CEP152: variants seen among roughly 807,000 people sequenced by gnomAD.
CEP152 encodes centrosomal protein 152, also known as centrosomal protein of 152 kDa.
Under a neutral mutation model 188.9 loss-of-function variants are expected in CEP152, and 132 were observed. That is an observed-to-expected ratio of 0.70 (90% CI 0.61 to 0.81). The LOEUF (loss-of-function observed/expected upper bound fraction) is 0.81, where lower values mean the gene tolerates loss of function less well. CEP152 is among the 30% of genes least tolerant of loss of function. The pLI is 0.00. For missense variants in CEP152, 1,914 were observed against 1,969.8 expected, an observed-to-expected ratio of 0.97 and a Z score of 0.54; for synonymous variants, 649 against 666.6, an observed-to-expected ratio of 0.97 and a Z score of 0.41.
At chr15:48,798,244 G>A (rs1032538066) in intron 2 of CEP152, among the ~76,000 whole-genome samples, 193 bp from the exon 3 acceptor site, 70 of 149,488 alleles carry the variant, frequency 4.7e-4, no homozygotes, top group Non-Finnish European at 8.9e-5. Context: ...CATAATTTTA[G>A]GATTTATATC....
chr15:48,761,547 G>A (rs1894690759), intron 18 of CEP152, among the ~76,000 whole-genome samples: 1 of 152,142 alleles, frequency 6.6e-6, no homozygotes. Context: ...GTTCTCTCAT[G>A]CATAAACAGC....
chr15:48,754,076 TG>T (rs1165226453), intron 20 of CEP152, among the ~76,000 whole-genome samples: 2 of 152,220 alleles, frequency 1.3e-5, no homozygotes, highest in Non-Finnish European at 2.9e-5. Flanking sequence ...CTCAAGGTCC[TG>T]AGTGAAGATA....
At chr15:48,788,357 G>C (rs561814389) in intron 9 of CEP152, among the ~76,000 whole-genome samples, 1 of 133,454 alleles carries the variant, frequency 7.5e-6, no homozygotes, top group African/African-American at 2.9e-5. Context: ...TTGGGGAGAC[G>C]GAGTCTCGCT....
Position 48,784,073 on chromosome 15 carries a change from C to A in CEP152, c.1221G>T (p.Arg407Ser), listed in dbSNP as rs751035264. ...RLKDHVKQLERNQEAIKLEKT... is the reference protein window; with the variant it reads ...RLKDHVKQLESNQEAIKLEKT... The stretch of plus-strand genomic sequence containing the variant: ...TTTCTAACTTGATTGCTTCTTGATT[C>A]CTTTCCAGTTGTTTCACGTGATCTT... The change falls in exon 10 of 27, where the codon AGG (arginine) becomes AGT (serine). Residue 407 changes from arginine (R) to serine (S), a missense_variant. Physicochemically the swap from Arg to Ser is moderately radical, Grantham distance 110 (BLOSUM62 -1). Transcript: ENST00000380950. 1.2e-6 allele frequency: 2 copies of A among 1,613,666 alleles called. No individual in the cohort carries two copies. The highest frequency in any genetic ancestry group is 1.7e-6 in the Non-Finnish European group (2 of 1,179,816).
chr15:48,764,788 G>C lies in CEP152; in HGVS notation c.2281-2116C>G, dbSNP rs142898930. Among the ~76,000 whole-genome samples, 72 of 152,200 alleles carry C rather than the reference G, an allele frequency of 4.7e-4. 1 individual carries two copies. Among genetic ancestry groups the C allele is most frequent in the African/African-American group, 1.7e-3 (71 of 41,518 alleles). ...GCAACCTGACTCAGCAAGTGTTTCA[G>C]AAAACAATGCATGAAACATAAAAAA... On this transcript the variant is annotated intron_variant, in intron 17 of 26. Coordinates refer to ENST00000380950, the MANE Select transcript of CEP152 (RefSeq NM_001194998.2).
At chr15:48,800,479 T>C (rs1476498806) in intron 2 of CEP152, among the ~76,000 whole-genome samples, 1 of 152,106 alleles carries the variant, frequency 6.6e-6, no homozygotes, top group East Asian at 1.9e-4. Context: ...TGCCCTTTGG[T>C]CACTAACCTT....
At chr15:48,802,330 T>C (rs1897718135) in intron 2 of CEP152, among the ~76,000 whole-genome samples, 1 of 152,134 alleles carries the variant, frequency 6.6e-6, no homozygotes, top group South Asian at 2.1e-4. Context: ...AATCAGAAAA[T>C]AATGCCCTCC....
chr15:48,783,676 C>T (rs546213912), intron 10 of CEP152, among the ~76,000 whole-genome samples: 80 of 151,016 alleles, frequency 5.3e-4, no homozygotes, highest in South Asian at 2.3e-3. Context: ...AGTAGAATTA[C>T]GGTTATTTTT....
At chr15:48,759,966 A>G (rs1458342471) in intron 19 of CEP152, among the ~76,000 whole-genome samples, 169 bp downstream of exon 19, 1 of 152,232 alleles carries the variant, frequency 6.6e-6, no homozygotes, top group Non-Finnish European at 1.5e-5. Flanking sequence ...CTCTAAGAAC[A>G]ACTTGATGAT....
chr15:48,742,708 G>C (rs1893077366), intron 24 of CEP152, among the ~76,000 whole-genome samples: 2 of 151,642 alleles, frequency 1.3e-5, no homozygotes, highest in East Asian at 1.9e-4. Context: ...CTTATAGTTG[G>C]CCTCTGAAAT....
At chr15:48,739,844 G>C (rs969229025) in intron 26 of CEP152, among the ~76,000 whole-genome samples, 1 of 152,178 alleles carries the variant, frequency 6.6e-6, no homozygotes, top group African/African-American at 2.4e-5. Context: ...AAAAGGATTT[G>C]CTTCTCTACT....
rs946314518 is a variant in CEP152 at position 48,788,864 on chromosome 15, G to A, written c.1110C>T (p.Tyr370=). The change falls in exon 9 of 27, where the codon TAC becomes TAT. Residue 370 remains tyrosine (Y), a synonymous_variant. Transcript: ENST00000380950. ...ESIVMGLTKK[Y]EEQVLSLQKN... ...TTTGTAAGGACAATACTTGCTCTTC[G>A]TACTTCTTTGTGAGGCCCATAACAA... 6.8e-6 allele frequency: 11 copies of A among 1,613,978 alleles called. No homozygotes were observed. The highest frequency in any genetic ancestry group is 4.0e-5 in the African/African-American group (3 of 74,888).
At position 48,781,209 on chromosome 15, in the gene CEP152, AT is replaced by A; in HGVS notation, c.1563del (p.Lys521AsnfsTer24). On this transcript the variant is annotated frameshift_variant, in exon 12 of 27. Transcript: ENST00000380950. LOFTEE classifies it high-confidence loss of function. ...DLGIKKVNWK[K>X]SKVTSIVQEE... ...TTCTTTCCATACCTGGTAACTTTGGATTTTTTCCAGTTGACCTTTTTAATAC... is the reference window on the plus strand; with the variant it reads ...TTCTTTCCATACCTGGTAACTTTGGATTTTTCCAGTTGACCTTTTTAATAC... 1 of 1,613,302 alleles carries A rather than the reference AT, an allele frequency of 6.2e-7. No homozygotes were observed. Among genetic ancestry groups the A allele is most frequent in the Non-Finnish European group, 8.5e-7 (1 of 1,179,616 alleles).
chr15:48,743,239 C>T (rs569000319), intron 24 of CEP152, among the ~76,000 whole-genome samples: 21 of 152,294 alleles, frequency 1.4e-4, no homozygotes, highest in African/African-American at 4.6e-4. Flanking sequence ...AACATCTACA[C>T]GTGATTCTGA....
chr15:48,784,380 T>C (rs1400811568), intron 9 of CEP152, among the ~76,000 whole-genome samples: 1 of 152,218 alleles, frequency 6.6e-6, no homozygotes, highest in Non-Finnish European at 1.5e-5. Context: ...TTCAACTCTA[T>C]ATTCACAAGA....
intron 12 of CEP152, among the ~76,000 whole-genome samples, chr15:48,775,847 T>C (rs1389666394): frequency 6.6e-6 from 1 of 152,038 alleles, no homozygotes; most frequent in East Asian, 1.9e-4. Context: ...TCTGTGAATA[T>C]ACGGAAAACC....
intron 10 of CEP152, among the ~76,000 whole-genome samples, chr15:48,782,457 A>G (rs1301863408): frequency 6.6e-6 from 1 of 152,172 alleles, no homozygotes; most frequent in Non-Finnish European, 1.5e-5. Flanking sequence ...AGTTAAAGGC[A>G]TGGGCTACTA....
chr15:48,781,402 A>T (rs1421552498), intron 11 of CEP152, 43 bp from the exon 12 acceptor site: 6 of 1,489,682 alleles, frequency 4.0e-6, no homozygotes, highest in Non-Finnish European at 5.6e-6. Flanking sequence ...CTATTTTCCT[A>T]TATGAAGTAA....
intron 12 of CEP152, among the ~76,000 whole-genome samples, chr15:48,780,687 A>T (rs1037872657): frequency 6.6e-6 from 1 of 152,218 alleles, no homozygotes; most frequent in South Asian, 2.1e-4. Flanking sequence ...TACATCAAAC[A>T]TAACATTGAA....
Sources: allele counts gnomAD v4.1 joint callset (sites outside exome capture counted in the v4.1 genomes callset), GRCh38; gene constraint gnomAD v4.1.1; transcripts MANE v1.5; gene names NCBI Gene and HGNC (gene_info 2026-07-23, HGNC 2026-07-21).